Variants in NPLOC4 observed in about 807,000 individuals in gnomAD.
NPLOC4 encodes nuclear protein localization protein 4 homolog.
NPLOC4 carries 18 observed loss-of-function variants against 80.6 expected under a neutral mutation model. That is an observed-to-expected ratio of 0.22 (90% confidence interval 0.15 to 0.33). The LOEUF is 0.33. Ranked by LOEUF, NPLOC4 falls within the 10% of genes least tolerant of loss-of-function variation. NPLOC4 has a pLI of 1.00. For missense variants in NPLOC4, 540 were observed against 786.1 expected (o/e 0.69, Z 3.74); for synonymous variants, 313 against 301.5 (o/e 1.04, Z -0.39).
At chr17:81,629,633 A>C (rs1452465323) in intron 2 of NPLOC4, 92 bp downstream of exon 2, 8 of 1,011,302 alleles carry the variant, frequency 7.9e-6, no homozygotes, top group Non-Finnish European at 1.2e-5. Flanking sequence ...AATAGGGAAA[A>C]TAAGAAAACG....
chr17:81,588,545 G>A (rs906692545), intron 12 of NPLOC4, among the ~76,000 whole-genome samples: 14 of 152,096 alleles, frequency 9.2e-5, no homozygotes, highest in South Asian at 2.1e-4. Flanking sequence ...ACACAGTCTC[G>A]CTATGTTGCC....
chr17:81,584,779 T>C (rs963137879), intron 12 of NPLOC4, among the ~76,000 whole-genome samples: 1 of 152,132 alleles, frequency 6.6e-6, no homozygotes, highest in African/African-American at 2.4e-5. Flanking sequence ...TGTAACAGGC[T>C]TAAAAAAAAT....
intron 1 of NPLOC4, among the ~76,000 whole-genome samples, chr17:81,635,698 C>G (rs1192567577): frequency 6.6e-6 from 1 of 152,092 alleles, no homozygotes; most frequent in Admixed American, 6.6e-5. Flanking sequence ...TGAGTCACCG[C>G]GCCGGGCCTG....
intron 12 of NPLOC4, among the ~76,000 whole-genome samples, chr17:81,587,844 A>ATT (rs926538360): frequency 2.5e-5 from 3 of 119,570 alleles, no homozygotes; most frequent in African/African-American, 9.3e-5. Context: ...TATTTTTTGT[A>ATT]TTTTTTTTTT....
chr17:81,579,612 T>A (rs1400399238), intron 12 of NPLOC4, among the ~76,000 whole-genome samples: 1 of 151,860 alleles, frequency 6.6e-6, no homozygotes, highest in Non-Finnish European at 1.5e-5. Context: ...CTGCCTCCCA[T>A]CCTCATTGTA....
At chr17:81,591,458 A>AAC (rs2034740167) in intron 11 of NPLOC4, among the ~76,000 whole-genome samples, 2 of 150,242 alleles carry the variant, frequency 1.3e-5, no homozygotes, top group Admixed American at 1.3e-4. Context: ...AAAAAAAAAA[A>AAC]AAAAAAAAAA....
intron 8 of NPLOC4, among the ~76,000 whole-genome samples, chr17:81,602,980 T>TACACACACACAC (rs150613321): frequency 2.8e-5 from 4 of 144,944 alleles, no homozygotes; most frequent in African/African-American, 7.7e-5. Flanking sequence ...TATACACAAA[T>TACACACACACAC]ACACACACAC....
intron 12 of NPLOC4, among the ~76,000 whole-genome samples, chr17:81,587,315 TTTTA>T (rs2034608076): frequency 1.3e-5 from 2 of 151,910 alleles, no homozygotes; most frequent in Non-Finnish European, 1.5e-5. Flanking sequence ...CTCTTTATTT[TTTTA>T]TTTTTTATTT....
chr17:81,605,069 A>G lies in NPLOC4; in HGVS notation c.655-342T>C, dbSNP rs142776720. The stretch of plus-strand genomic sequence containing the variant: ...AGGTCAGGAGATCAAGACCATCCTG[A>G]CCAACATGATGAAATCCCGTCTCTA... On this transcript the variant is annotated intron_variant, in intron 7 of 16. Transcript: ENST00000331134. Among the ~76,000 whole-genome samples the G allele has an allele frequency of 5.7e-3, 856 of 151,144 alleles. 8 individuals are homozygous for G. The highest frequency in any genetic ancestry group is 0.022 in the South Asian group (106 of 4,766).
chr17:81,602,978 AATACAC>A (rs1468651024), intron 8 of NPLOC4, among the ~76,000 whole-genome samples: 1 of 79,946 alleles, frequency 1.3e-5, no homozygotes, highest in African/African-American at 5.0e-5. Context: ...TATATACACA[AATACAC>A]ACACACACAC....
At chr17:81,618,493 C>G (rs143358054) in intron 3 of NPLOC4, among the ~76,000 whole-genome samples, 79,752 of 147,406 alleles carry the variant, frequency 0.54, 22,806 homozygotes, top group East Asian at 0.77. Context: ...GGTGGGGGGT[C>G]AGCGACCCCG....
intron 3 of NPLOC4, among the ~76,000 whole-genome samples, chr17:81,617,947 G>C (rs1026329480): frequency 1.4e-4 from 22 of 152,196 alleles, no homozygotes; most frequent in African/African-American, 5.1e-4. Flanking sequence ...ACGGAGTCTC[G>C]TTCACTCAGT....
At chr17:81,628,964 C>T (rs1370622081) in intron 2 of NPLOC4, among the ~76,000 whole-genome samples, 3 of 149,868 alleles carry the variant, frequency 2.0e-5, no homozygotes, top group East Asian at 2.0e-4. Flanking sequence ...CTGCAAGCTC[C>T]GCCTCCTGGG....
At chr17:81,614,850 A>G (rs2035437438) in intron 3 of NPLOC4, among the ~76,000 whole-genome samples, 1 of 152,166 alleles carries the variant, frequency 6.6e-6, no homozygotes, top group South Asian at 2.1e-4. Context: ...AGGCTGCAGC[A>G]TGTCCTCTGA....
At chr17:81,608,846 G>A in intron 5 of NPLOC4, 24 bp from the exon 6 acceptor site, 1 of 1,548,264 alleles carries the variant, frequency 6.5e-7, no homozygotes, top group Non-Finnish European at 8.8e-7. Context: ...GAGTAAGCGA[G>A]TGCAGTCTCA....
At chr17:81,602,249 A>G (rs1356278356) in intron 8 of NPLOC4, among the ~76,000 whole-genome samples, 3 of 152,078 alleles carry the variant, frequency 2.0e-5, no homozygotes, top group African/African-American at 7.2e-5. Flanking sequence ...AAACAAACAA[A>G]CAAAAAACAA....
chr17:81,626,130 C>A (rs1291140513), intron 2 of NPLOC4, among the ~76,000 whole-genome samples: 1 of 145,224 alleles, frequency 6.9e-6, no homozygotes, highest in Non-Finnish European at 1.5e-5. Flanking sequence ...GCCCAAGCGA[C>A]AGAGTGAGAC....
chr17:81,600,529 G>C, intron 8 of NPLOC4, 102 bp from the exon 9 acceptor site: 1 of 806,656 alleles, frequency 1.2e-6, no homozygotes, highest in South Asian at 1.5e-5. Flanking sequence ...GGAGTGCTGG[G>C]GGCCTCCTTG....
Position 81,559,436 on chromosome 17 carries a change from T to A in NPLOC4, c.1670-20A>T. 1 of 1,600,260 alleles carries A rather than the reference T, an allele frequency of 6.2e-7. No homozygotes were observed. Among genetic ancestry groups the A allele is most frequent in the Non-Finnish European group, 8.5e-7 (1 of 1,173,042 alleles). On this transcript the variant is annotated intron_variant, in intron 16 of 16. Transcript: ENST00000331134. ...CTGTGCCTGCAGGGTGGAAGAGAAA[T>A]GAGCACTCATCATTTCTGGCCCACC...
Sources: allele counts gnomAD v4.1 joint callset (sites outside exome capture counted in the v4.1 genomes callset), GRCh38; gene constraint gnomAD v4.1.1; transcripts MANE v1.5; gene names NCBI Gene and HGNC (gene_info 2026-07-23, HGNC 2026-07-21).